KLF8: variants seen among roughly 807,000 people sequenced by gnomAD.
KLF8 encodes the protein Krueppel-like factor 8.
A neutral mutation model predicts 18.2 loss-of-function variants in KLF8; 10 were observed. That is an observed-to-expected ratio of 0.55 (90% CI 0.34 to 0.93). KLF8 has a LOEUF of 0.93. Among genes scored for constraint, KLF8 ranks in the 40% least tolerant of loss-of-function variants. KLF8 has a pLI of 0.02. For synonymous variants in KLF8, 109 were observed against 97.3 expected (o/e 1.12, Z -0.71); for missense variants, 264 against 277.9 (o/e 0.95, Z 0.36).
At position 56,266,989 on chromosome X, in the gene KLF8, A is replaced by G. The variant is rs1382348562; in HGVS notation, c.646+1245A>G. ...TTGAGATGTGATATCCATTCCATATATGAAGGGAGAGCCAAACAAACAAAC... is the reference window on the plus strand; with the variant it reads ...TTGAGATGTGATATCCATTCCATATGTGAAGGGAGAGCCAAACAAACAAAC... On this transcript the variant is annotated intron_variant, in intron 3 of 5. Transcript: ENST00000468660. 28 of 751,371 alleles carry G rather than the reference A, an allele frequency of 3.7e-5. No individual in the cohort carries two copies. The South Asian group carries it at 4.8e-4, about 13-fold the overall frequency. The allele number at this position is 751,371 out of a possible 1,213,427, so 61.9% of individuals were successfully genotyped here. A position where few individuals can be genotyped will look rare whatever the true frequency, so the allele number is the denominator to read the frequency against.
chrX:56,165,345 G>A, the KLF8 span, among the ~76,000 whole-genome samples: 1 of 112,161 alleles, frequency 8.9e-6, no homozygotes, highest in African/African-American at 3.2e-5. Flanking sequence ...GCAAAAACAT[G>A]GCTAGACAAG....
the KLF8 span, among the ~76,000 whole-genome samples, chrX:56,134,085 C>T: frequency 9.0e-6 from 1 of 111,684 alleles, no homozygotes; most frequent in African/African-American, 3.3e-5. Context: ...AATGACCATA[C>T]TGCTAAAAGC....
At chrX:55,922,363 C>T in the KLF8 span, among the ~76,000 whole-genome samples, 24 of 112,301 alleles carry the variant, frequency 2.1e-4, no homozygotes, top group Non-Finnish European at 4.3e-4. Context: ...AACACAGGAA[C>T]GGAAAACCAA....
chrX:56,002,692 G>A, the KLF8 span, among the ~76,000 whole-genome samples: 12 of 112,186 alleles, frequency 1.1e-4, no homozygotes, highest in Non-Finnish European at 9.4e-5. Context: ...TGCTACATAT[G>A]TGATGCTATA....
At chrX:55,994,986 C>T in the KLF8 span, among the ~76,000 whole-genome samples, 7 of 111,530 alleles carry the variant, frequency 6.3e-5, no homozygotes, top group East Asian at 2.8e-4. Flanking sequence ...TCTAGCTCAA[C>T]AATCTGTCTA....
At chrX:56,155,090 C>A in the KLF8 span, among the ~76,000 whole-genome samples, 1 of 111,522 alleles carries the variant, frequency 9.0e-6, no homozygotes, top group East Asian at 2.8e-4. Context: ...TTTGACTCAG[C>A]CATCCCATTC....
At chrX:55,939,288 C>A in the KLF8 span, among the ~76,000 whole-genome samples, 1,071 of 111,421 alleles carry the variant, frequency 9.6e-3, 10 homozygotes, top group African/African-American at 0.034. Flanking sequence ...GGGTACATAA[C>A]GAAATGAAGG....
chrX:55,933,191 T>C, the KLF8 span, among the ~76,000 whole-genome samples: 1 of 111,939 alleles, frequency 8.9e-6, no homozygotes. Flanking sequence ...TACCTATGAC[T>C]CATTTGTATA....
chrX:56,185,652 C>A, the KLF8 span, among the ~76,000 whole-genome samples: 2 of 112,083 alleles, frequency 1.8e-5, no homozygotes, highest in Non-Finnish European at 3.8e-5. Context: ...CAAAGGGAAG[C>A]CCATCAGACT....
the KLF8 span, among the ~76,000 whole-genome samples, chrX:55,939,519 C>G: frequency 9.0e-6 from 1 of 111,576 alleles, no homozygotes; most frequent in East Asian, 2.8e-4. Context: ...CAAGAAATAA[C>G]TAAGATCACA....
At chrX:56,057,311 G>A in the KLF8 span, among the ~76,000 whole-genome samples, 9 of 111,336 alleles carry the variant, frequency 8.1e-5, no homozygotes, top group African/African-American at 2.9e-4. Flanking sequence ...TGCTTGCCAA[G>A]GCTCTGACTG....
intron 5 of KLF8, among the ~76,000 whole-genome samples, chrX:56,277,577 C>A (rs1172849936): frequency 8.9e-6 from 1 of 112,121 alleles, no homozygotes; most frequent in Non-Finnish European, 1.9e-5. Context: ...TGGCCACCAC[C>A]ACTCGGACGT....
the KLF8 span, among the ~76,000 whole-genome samples, chrX:56,117,888 A>G: frequency 4.5e-5 from 5 of 111,659 alleles, no homozygotes; most frequent in African/African-American, 1.6e-4. Context: ...ACAGAAATTT[A>G]TTTCTCATGG....
chrX:55,918,475 T>TTGTTTTC, the KLF8 span, among the ~76,000 whole-genome samples: 1 of 112,544 alleles, frequency 8.9e-6, no homozygotes, highest in African/African-American at 3.2e-5. Flanking sequence ...CTTGGCATAT[T>TTGTTTTC]TGTTTTCTGA....
At chrX:56,017,878 A>G in the KLF8 span, among the ~76,000 whole-genome samples, 15 of 111,458 alleles carry the variant, frequency 1.3e-4, no homozygotes, top group Non-Finnish European at 1.5e-4. Flanking sequence ...GAAGTGTTTT[A>G]TTTATTTTTA....
the KLF8 span, among the ~76,000 whole-genome samples, chrX:56,172,558 A>G: frequency 8.9e-6 from 1 of 111,769 alleles, no homozygotes; most frequent in East Asian, 2.8e-4. Flanking sequence ...TAGTGCCCCA[A>G]TAAACATATG....
chrX:56,066,126 G>A, the KLF8 span, among the ~76,000 whole-genome samples: 1 of 111,808 alleles, frequency 8.9e-6, no homozygotes. Context: ...CAACACTCTG[G>A]CTCCCAGGTG....
Position 56,239,754 on chromosome X carries a change from T to C in KLF8, c.7+6413T>C, listed in dbSNP as rs758422576. 8.9e-5 allele frequency among the ~76,000 whole-genome samples: 10 copies of C among 112,352 alleles called. No individual in the cohort carries two copies. The South Asian group carries it at 3.3e-3, about 37-fold the overall frequency. On this transcript the variant is annotated intron_variant, in intron 1 of 5. Transcript: ENST00000468660. ...ACAATTATCAGGCCAGCTTTCTTTT[T>C]CCCTGTCCCCCTTTTTGCCAGATGT... is the stretch of plus-strand genomic sequence containing the variant.
At chrX:56,077,740 C>A in the KLF8 span, among the ~76,000 whole-genome samples, 7 of 111,618 alleles carry the variant, frequency 6.3e-5, no homozygotes, top group East Asian at 1.7e-3. Flanking sequence ...GGCAGTGTGG[C>A]CATTTTCATG....
Sources: allele counts gnomAD v4.1 joint callset (sites outside exome capture counted in the v4.1 genomes callset), GRCh38; gene constraint gnomAD v4.1.1; transcripts MANE v1.5; gene names NCBI Gene and HGNC (gene_info 2026-07-23, HGNC 2026-07-21).